Variants in LRRC75A observed in about 807,000 individuals in gnomAD.
LRRC75A encodes the protein leucine-rich repeat-containing protein 75A.
A neutral mutation model predicts 26.0 loss-of-function variants in LRRC75A; 12 were observed. The observed-to-expected ratio is 0.46, with a 90% CI of 0.30 to 0.75. The LOEUF (loss-of-function observed/expected upper bound fraction) is 0.75, where lower values mean the gene tolerates loss of function less well. Ranked by LOEUF, LRRC75A falls within the 30% of genes least tolerant of loss-of-function variation. The pLI, the probability that LRRC75A is intolerant of heterozygous loss-of-function variation, is 0.08. For synonymous variants in LRRC75A, 223 were observed against 219.3 expected, an observed-to-expected ratio of 1.02 and a Z score of -0.15; for missense variants, 410 against 486.6, an observed-to-expected ratio of 0.84 and a Z score of 1.48.
intron 2 of LRRC75A, among the ~76,000 whole-genome samples, chr17:16,457,812 A>C (rs1601133268): frequency 6.6e-6 from 1 of 151,946 alleles, no homozygotes; most frequent in East Asian, 1.9e-4. Context: ...ACAAGAAAAA[A>C]AAAAACAAAA....
intron 2 of LRRC75A, among the ~76,000 whole-genome samples, chr17:16,449,009 C>T (rs2093609537): frequency 1.3e-5 from 2 of 152,240 alleles, no homozygotes; most frequent in African/African-American, 4.8e-5. Flanking sequence ...CAAACTCGTG[C>T]TGGACAGGGT....
intron 1 of LRRC75A, among the ~76,000 whole-genome samples, chr17:16,468,103 G>A (rs1225020577): frequency 6.6e-6 from 1 of 152,226 alleles, no homozygotes; most frequent in South Asian, 2.1e-4. Flanking sequence ...AACTTTGTGC[G>A]CTGCTGGTAG....
At chr17:16,468,354 G>A (rs188875044) in intron 1 of LRRC75A, among the ~76,000 whole-genome samples, 16 of 152,354 alleles carry the variant, frequency 1.1e-4, no homozygotes, top group Admixed American at 3.3e-4. Context: ...GTCTAGCCAC[G>A]CAACGAAATA....
At chr17:16,457,546 G>A (rs564143345) in intron 2 of LRRC75A, among the ~76,000 whole-genome samples, 4 of 152,316 alleles carry the variant, frequency 2.6e-5, no homozygotes, top group African/African-American at 9.6e-5. Flanking sequence ...TGCTGCTCTC[G>A]GCTCCTGGCA....
At chr17:16,457,369 G>A (rs1056919511) in intron 2 of LRRC75A, among the ~76,000 whole-genome samples, 1 of 152,190 alleles carries the variant, frequency 6.6e-6, no homozygotes, top group Non-Finnish European at 1.5e-5. Context: ...CAGAAGGCTG[G>A]GCTCTAGAGA....
At chr17:16,485,759 G>A (rs1243641267) in intron 1 of LRRC75A, among the ~76,000 whole-genome samples, 1 of 151,970 alleles carries the variant, frequency 6.6e-6, no homozygotes, top group Non-Finnish European at 1.5e-5. Context: ...GTGGGGAAGG[G>A]GAGACAGATG....
chr17:16,471,819 T>C (rs1041707529), intron 1 of LRRC75A, among the ~76,000 whole-genome samples: 3 of 152,138 alleles, frequency 2.0e-5, no homozygotes, highest in Non-Finnish European at 4.4e-5. Context: ...AAATACCGCA[T>C]GAGGCCACTT....
intron 1 of LRRC75A, among the ~76,000 whole-genome samples, chr17:16,483,966 C>T (rs891815338): frequency 7.9e-5 from 12 of 152,258 alleles, no homozygotes; most frequent in Admixed American, 1.3e-4. Context: ...TCTCATTTTT[C>T]TATAATTGTA....
chr17:16,479,469 G>A (rs1426623913), intron 1 of LRRC75A, among the ~76,000 whole-genome samples: 1 of 152,202 alleles, frequency 6.6e-6, no homozygotes, highest in Non-Finnish European at 1.5e-5. Context: ...ACTGCACAAG[G>A]GTGTCTGAGC....
chr17:16,444,256 C>T (rs374285517), intron 3 of LRRC75A, 125 bp from the exon 4 acceptor site: 6 of 764,058 alleles, frequency 7.9e-6, no homozygotes, highest in South Asian at 1.9e-5. Context: ...ACTTGGATGT[C>T]GGATGCCACA....
chr17:16,443,869 C>A lies in LRRC75A; in HGVS notation c.754G>T (p.Asp252Tyr), dbSNP rs772996377. 1.9e-6 allele frequency: 3 copies of A among 1,613,670 alleles called. No homozygotes were observed. The highest frequency in any genetic ancestry group is 2.5e-6 in the Non-Finnish European group (3 of 1,179,630). The change falls in exon 4 of 4, where the codon GAC (aspartate) becomes TAC (tyrosine). Residue 252 changes from aspartate to tyrosine, a missense_variant. By Grantham distance (160) the Asp-to-Tyr change is radical. Transcript: ENST00000470794. ...AACTTGCTGGGATCCTTAAGGATGT[C>A]AGTGAGGTCGCGCAGCACGGCCCGG... The part of the protein sequence containing the change: ...LTRAVLRDLT[D>Y]ILKDPSKFPN...
In LRRC75A at chr17:16,447,877, G is replaced by C; in HGVS notation, c.459C>G (p.His153Gln). ...HLSPHSQWRRHRGLVKRKPQA... is the reference protein window; with the variant it reads ...HLSPHSQWRRQRGLVKRKPQA... ...GTGGCTTCCTTTTCACCAGCCCCCG[G>C]TGCCGCCTCCACTGGGAGTGGGGGC... is the stretch of plus-strand genomic sequence containing the variant. Residue 153 changes from histidine (H) to glutamine (Q), a missense_variant, in exon 3 of 4, where the codon CAC becomes CAG. Transcript: ENST00000470794. 6.5e-7 allele frequency: 1 copy of C among 1,549,576 alleles called. No homozygotes were observed. The highest frequency in any genetic ancestry group is 8.7e-7 in the Non-Finnish European group (1 of 1,146,448).
At chr17:16,444,534 G>C (rs2093564184) in intron 3 of LRRC75A, among the ~76,000 whole-genome samples, 3 of 152,150 alleles carry the variant, frequency 2.0e-5, no homozygotes, top group Admixed American at 2.0e-4. Context: ...TGGGGTGGCA[G>C]CTCAGCCCCC....
chr17:16,449,936 C>G (rs1462976264), intron 2 of LRRC75A, among the ~76,000 whole-genome samples: 1 of 152,132 alleles, frequency 6.6e-6, no homozygotes, highest in Non-Finnish European at 1.5e-5. Context: ...CTTTTAAGAG[C>G]AGATGGGTTA....
rs540429611 is a variant in LRRC75A at position 16,476,379 on chromosome 17, T to A, written c.247-13993A>T. Among the ~76,000 whole-genome samples the A allele has an allele frequency of 4.8e-3, 676 of 141,594 alleles. 6 individuals carry two copies. Among genetic ancestry groups the A allele is most frequent in the Non-Finnish European group, 7.3e-3 (466 of 63,844 alleles). The allele number at this position is 141,594 out of a possible 152,430, so 92.9% of individuals were successfully genotyped here. A position where few individuals can be genotyped will look rare whatever the true frequency, so the allele number is the denominator to read the frequency against. ...TGAGACTCTGTCTCAAAAAAAAAAA[T>A]TTTTTTTTTTTTGTAGAAATGGAGT... On this transcript the variant is annotated intron_variant, in intron 1 of 3. Coordinates refer to ENST00000470794, the MANE Select transcript of LRRC75A (RefSeq NM_001113567.3).
At chr17:16,482,358 G>A (rs1441393859) in intron 1 of LRRC75A, among the ~76,000 whole-genome samples, 1 of 152,152 alleles carries the variant, frequency 6.6e-6, no homozygotes, top group African/African-American at 2.4e-5. Flanking sequence ...GGGTGGGAAT[G>A]TGCCTGGAGG....
At chr17:16,447,495 G>A (rs116350674) in intron 3 of LRRC75A, among the ~76,000 whole-genome samples, 3,304 of 152,118 alleles carry the variant, frequency 0.022, 108 homozygotes, top group African/African-American at 0.075. Context: ...ACAGGGTTTC[G>A]CCACATTGGT....
intron 2 of LRRC75A, chr17:16,448,263 ACT>A: frequency 2.5e-6 from 1 of 395,392 alleles, no homozygotes; most frequent in South Asian, 2.1e-5. Context: ...CCTGGCCAAG[ACT>A]CACCATGATC....
rs1039631313 is a variant in LRRC75A at position 16,442,365 on chromosome 17, G to A, written c.*1223C>T. 2.6e-5 allele frequency: 4 copies of A among 152,266 alleles called. No homozygotes were observed. Among genetic ancestry groups the A allele is most frequent in the African/African-American group, 9.7e-5 (4 of 41,434 alleles). The allele number at this position is 152,266 out of a possible 1,614,324, so 9.4% of individuals were successfully genotyped here. A position where few individuals can be genotyped will look rare whatever the true frequency, so the allele number is the denominator to read the frequency against. On this transcript the variant is annotated 3_prime_UTR_variant, in exon 4 of 4. Coordinates refer to ENST00000470794, the MANE Select transcript of LRRC75A (RefSeq NM_001113567.3). ...CTTGCCTACCAAGGCCTGTCAAGAG[G>A]GTCCTCCCCCATACTGTTTGCCCAC...
Sources: allele counts gnomAD v4.1 joint callset (sites outside exome capture counted in the v4.1 genomes callset), GRCh38; gene constraint gnomAD v4.1.1; transcripts MANE v1.5; gene names NCBI Gene and HGNC (gene_info 2026-07-23, HGNC 2026-07-21).